The following PHF24 variants were observed in gnomAD, a reference collection of about 807,000 sequenced individuals.
PHF24 encodes Galpha inhibitory interacting protein.
PHF24 carries 25 observed loss-of-function variants against 42.6 expected under a neutral mutation model. The ratio of observed to expected loss-of-function variants is 0.59; its 90% CI spans 0.43 to 0.82. The LOEUF (loss-of-function observed/expected upper bound fraction) is 0.82, where lower values mean the gene tolerates loss of function less well. Among genes scored for constraint, PHF24 ranks in the 40% least tolerant of loss-of-function variants. The pLI is 0.00. For missense variants in PHF24, 470 were observed against 538.1 expected, an observed-to-expected ratio of 0.87 and a Z score of 1.25; for synonymous variants, 185 against 204.8, an observed-to-expected ratio of 0.90 and a Z score of 0.83.
At chr9:34,929,495 A>G in the PHF24 span, among the ~76,000 whole-genome samples, 2 of 152,166 alleles carry the variant, frequency 1.3e-5, no homozygotes, top group Non-Finnish European at 1.5e-5. Context: ...AGGGTCTATT[A>G]CTCAATAAAT....
chr9:34,873,772 TTGAA>T, the PHF24 span, among the ~76,000 whole-genome samples: 1 of 150,590 alleles, frequency 6.6e-6, no homozygotes, highest in Non-Finnish European at 1.5e-5. Context: ...GGGGATGGCA[TTGAA>T]TCTATAAATT....
At chr9:34,750,458 C>T in the PHF24 span, among the ~76,000 whole-genome samples, 1 of 150,978 alleles carries the variant, frequency 6.6e-6, no homozygotes, top group African/African-American at 2.4e-5. Context: ...CCACTGCACT[C>T]CAGTCTGGGT....
the PHF24 span, chr9:34,665,634 A>G: frequency 1.5e-6 from 1 of 687,082 alleles, no homozygotes; most frequent in African/African-American, 1.8e-5. Flanking sequence ...CTCCAGCGCC[A>G]CCTCGTATCT....
chr9:34,670,486 C>T, the PHF24 span, among the ~76,000 whole-genome samples: 2 of 152,188 alleles, frequency 1.3e-5, no homozygotes, highest in African/African-American at 4.8e-5. Flanking sequence ...GATAGCTCCC[C>T]ATCGCCTCTC....
the PHF24 span, chr9:34,724,575 T>C: frequency 1.3e-6 from 2 of 1,541,490 alleles, no homozygotes; most frequent in Non-Finnish European, 1.8e-6. Flanking sequence ...TTTAGTTTGG[T>C]CAAGATATGT....
At chr9:34,703,426 C>T in the PHF24 span, among the ~76,000 whole-genome samples, 6 of 152,178 alleles carry the variant, frequency 3.9e-5, no homozygotes, top group Non-Finnish European at 7.3e-5. Context: ...GCCTCGGCCT[C>T]TCAAAGTGCT....
At chr9:34,915,419 TC>T in the PHF24 span, among the ~76,000 whole-genome samples, 5 of 152,052 alleles carry the variant, frequency 3.3e-5, no homozygotes, top group African/African-American at 1.2e-4. Context: ...TTTTTTTTTT[TC>T]ATCCTTGAAT....
the PHF24 span, among the ~76,000 whole-genome samples, chr9:34,896,222 A>T: frequency 6.6e-6 from 1 of 152,230 alleles, no homozygotes; most frequent in Non-Finnish European, 1.5e-5. Flanking sequence ...CAAAAAATAG[A>T]GGATAGGGCA....
the PHF24 span, among the ~76,000 whole-genome samples, chr9:34,684,164 G>A: frequency 1.3e-5 from 2 of 152,182 alleles, no homozygotes; most frequent in Non-Finnish European, 2.9e-5. Context: ...GTTTTTGGAG[G>A]AGAGGGGGAA....
chr9:34,727,959 C>T, the PHF24 span: 1 of 1,493,528 alleles, frequency 6.7e-7, no homozygotes, highest in Admixed American at 2.0e-5. Context: ...TGCCCCAGGC[C>T]AAGCCAAGAA....
At chr9:34,873,954 T>C in the PHF24 span, among the ~76,000 whole-genome samples, 3 of 152,318 alleles carry the variant, frequency 2.0e-5, no homozygotes, top group African/African-American at 7.2e-5. Flanking sequence ...TTATTCTCTT[T>C]GAAGCAATTG....
the PHF24 span, among the ~76,000 whole-genome samples, chr9:34,864,949 G>A: frequency 9.9e-5 from 15 of 152,048 alleles, no homozygotes; most frequent in African/African-American, 3.1e-4. Flanking sequence ...GGCCGAGGCA[G>A]GCAGATCACG....
chr9:34,911,604 C>G, the PHF24 span, among the ~76,000 whole-genome samples: 990 of 152,214 alleles, frequency 6.5e-3, 12 homozygotes, highest in African/African-American at 0.023. Context: ...GCTCCTTCAA[C>G]CCATAAAAGG....
exon 8 of PHF24, chr9:34,982,176 C>A (rs1228843096): frequency 6.6e-6 from 1 of 152,206 alleles, no homozygotes; most frequent in Non-Finnish European, 1.5e-5. Context: ...CAGTTAAGAA[C>A]ATCAAGTTAT....
the PHF24 span, among the ~76,000 whole-genome samples, chr9:34,740,599 G>C: frequency 5.7e-4 from 87 of 152,338 alleles, no homozygotes; most frequent in African/African-American, 2.0e-3. Context: ...CGCAGCCCCG[G>C]TTCCCGCTGG....
At chr9:34,879,092 A>G in the PHF24 span, among the ~76,000 whole-genome samples, 2 of 152,186 alleles carry the variant, frequency 1.3e-5, no homozygotes, top group Non-Finnish European at 2.9e-5. Flanking sequence ...ACCCAGGCAA[A>G]CAGGGTCTGG....
In PHF24 at chr9:34,977,678, C is replaced by A. The variant is rs968061562; in HGVS notation, c.1106+37C>A. 3 of 1,500,736 alleles carry A rather than the reference C, an allele frequency of 2.0e-6. No homozygotes were observed. The East Asian group carries it at 7.3e-5, about 36-fold the overall frequency. 93.0% of individuals were successfully genotyped at this position (1,500,736 alleles called of 1,614,324 possible). Reference sequence around the variant, plus strand: ...CTCCTCACCTGGCCATTTGTACCCTCTGAACCCCCACAAAACACACAAGTA... The same window carrying A: ...CTCCTCACCTGGCCATTTGTACCCTATGAACCCCCACAAAACACACAAGTA... On this transcript the variant is annotated intron_variant, in intron 7 of 7. Coordinates refer to ENST00000242315, the Ensembl canonical transcript of PHF24.
chr9:34,761,884 C>T, the PHF24 span, among the ~76,000 whole-genome samples: 1 of 152,106 alleles, frequency 6.6e-6, no homozygotes, highest in Non-Finnish European at 1.5e-5. Flanking sequence ...GTGTGATGCT[C>T]CCCTTCCTGT....
chr9:34,927,428 A>C, the PHF24 span, among the ~76,000 whole-genome samples: 1 of 152,096 alleles, frequency 6.6e-6, no homozygotes, highest in Non-Finnish European at 1.5e-5. Flanking sequence ...AGCTTGGCCC[A>C]CAGGGAGTGG....
Sources: gnomAD v4.1 joint callset for allele counts (sites outside exome capture counted in the v4.1 genomes callset) on GRCh38, gnomAD v4.1.1 for gene constraint, MANE v1.5 for transcripts, NCBI Gene and HGNC (gene_info 2026-07-23, HGNC 2026-07-21) for gene names.